The following ITSN1 variants were observed in gnomAD, a reference collection of about 807,000 sequenced individuals.
ITSN1 encodes the protein intersectin 1, also known as intersectin-1.
A neutral mutation model predicts 239.8 loss-of-function variants in ITSN1; 58 were observed. The ratio of observed to expected loss-of-function variants is 0.24; its 90% CI spans 0.20 to 0.30. ITSN1 has a LOEUF of 0.30. Among genes scored for constraint, ITSN1 ranks in the 10% least tolerant of loss-of-function variants. The pLI is 1.00. For missense variants in ITSN1, 1,558 were observed against 2,103.3 expected, an observed-to-expected ratio of 0.74 and a Z score of 5.07; for synonymous variants, 780 against 770.8, an observed-to-expected ratio of 1.01 and a Z score of -0.20.
chr21:33,885,227 G>T, intron 37 of ITSN1, 104 bp downstream of exon 37: 1 of 1,091,386 alleles, frequency 9.2e-7, no homozygotes. Flanking sequence ...GGACCTAGAG[G>T]AGGGGCATGG....
chr21:33,654,913 T>A (rs549689449), intron 1 of ITSN1, among the ~76,000 whole-genome samples: 2 of 152,344 alleles, frequency 1.3e-5, no homozygotes, highest in Admixed American at 6.5e-5. Flanking sequence ...TTCTTAAGGT[T>A]ACCTCCTTCC....
chr21:33,761,037 T>C (rs1419066954), intron 8 of ITSN1, among the ~76,000 whole-genome samples: 1 of 137,996 alleles, frequency 7.2e-6, no homozygotes, highest in Non-Finnish European at 1.5e-5. Context: ...GGAATTCTTC[T>C]TTTTTTTTTT....
chr21:33,776,561 AGAG>A (rs1422889796), intron 14 of ITSN1, among the ~76,000 whole-genome samples: 3 of 140,460 alleles, frequency 2.1e-5, no homozygotes, highest in East Asian at 2.1e-4. Context: ...AAAAAAAAAA[AGAG>A]AGAGAAAAGA....
intron 1 of ITSN1, among the ~76,000 whole-genome samples, chr21:33,695,749 G>T (rs771201135): frequency 2.0e-5 from 3 of 152,168 alleles, no homozygotes; most frequent in Non-Finnish European, 4.4e-5. Flanking sequence ...ATCTCAGTGT[G>T]TTTGTGATTT....
chr21:33,746,112 G>A lies in ITSN1; in HGVS notation c.347-4031G>A, dbSNP rs75306807. Among the ~76,000 whole-genome samples, 1,092 of 152,168 alleles carry A rather than the reference G, an allele frequency of 7.2e-3. 14 individuals are homozygous for A. The highest frequency in any genetic ancestry group is 0.025 in the African/African-American group (1,038 of 41,510). The stretch of plus-strand genomic sequence containing the variant: ...AAAAGCCAGGCTTAAAGATAAAAAC[G>A]AATTTTTTAAAAACCCAACTGAGCA... On this transcript the variant is annotated intron_variant, in intron 5 of 39. Coordinates refer to ENST00000381318, the MANE Select transcript of ITSN1 (RefSeq NM_003024.3).
intron 1 of ITSN1, among the ~76,000 whole-genome samples, chr21:33,658,567 T>G (rs535734547): frequency 6.6e-6 from 1 of 152,214 alleles, no homozygotes; most frequent in African/African-American, 2.4e-5. Flanking sequence ...TGTTACAATC[T>G]TACGGGACCA....
At chr21:33,649,729 ATGTC>A in intron 1 of ITSN1, among the ~76,000 whole-genome samples, 1 of 152,194 alleles carries the variant, frequency 6.6e-6, no homozygotes, top group East Asian at 1.9e-4. Context: ...GAAAATAACA[ATGTC>A]TGGCCGGGCG....
intron 1 of ITSN1, among the ~76,000 whole-genome samples, chr21:33,701,543 A>G (rs1005659040): frequency 6.6e-6 from 1 of 152,024 alleles, no homozygotes; most frequent in Admixed American, 6.6e-5. Flanking sequence ...CTGTAATCCC[A>G]GCACTTTGAG....
chr21:33,802,816 A>T (rs2072109617), intron 20 of ITSN1, among the ~76,000 whole-genome samples: 1 of 152,220 alleles, frequency 6.6e-6, no homozygotes. Context: ...TTTTCTGGCT[A>T]AGAAAGGCCT....
At chr21:33,678,290 C>G (rs2090719600) in intron 1 of ITSN1, among the ~76,000 whole-genome samples, 1 of 152,184 alleles carries the variant, frequency 6.6e-6, no homozygotes, top group Non-Finnish European at 1.5e-5. Context: ...GAAGAAGCCC[C>G]ACACACCCCC....
intron 26 of ITSN1, chr21:33,829,105 C>A: frequency 2.3e-6 from 1 of 434,200 alleles, no homozygotes; most frequent in South Asian, 1.7e-5. Context: ...GCAGCAACAA[C>A]ATAGAAATAA....
chr21:33,776,544 CAAAAA>C (rs34789155), intron 14 of ITSN1, among the ~76,000 whole-genome samples: 2 of 88,794 alleles, frequency 2.3e-5, no homozygotes, highest in Non-Finnish European at 5.2e-5. Flanking sequence ...AGACCCTGTT[CAAAAA>C]AAAAAAAAAA....
chr21:33,749,025 A>G (rs1455312951), intron 5 of ITSN1, among the ~76,000 whole-genome samples: 1 of 146,180 alleles, frequency 6.8e-6, no homozygotes, highest in Non-Finnish European at 1.5e-5. Context: ...ATCTCACTGT[A>G]TTGCCCAGGC....
chr21:33,766,068 T>G, intron 10 of ITSN1, 56 bp downstream of exon 10: 3 of 1,584,544 alleles, frequency 1.9e-6, no homozygotes, highest in Non-Finnish European at 2.6e-6. Flanking sequence ...AATTCCAAAC[T>G]TGGCTTTATT....
intron 4 of ITSN1, among the ~76,000 whole-genome samples, chr21:33,724,294 A>G (rs2065684823): frequency 6.6e-6 from 1 of 152,220 alleles, no homozygotes; most frequent in Non-Finnish European, 1.5e-5. Context: ...TAGAGCTAAA[A>G]AATCAGATAA....
intron 20 of ITSN1, among the ~76,000 whole-genome samples, chr21:33,806,634 T>C (rs1171700719): frequency 6.6e-6 from 1 of 152,264 alleles, no homozygotes; most frequent in Non-Finnish European, 1.5e-5. Flanking sequence ...AGAGCAGCTC[T>C]GTAACATAGT....
In ITSN1 at chr21:33,819,134, T is replaced by G. The variant is rs973340585; in HGVS notation, c.2934-107T>G. On this transcript the variant is annotated intron_variant, in intron 23 of 39. Transcript: ENST00000381318. ...TAAGTACAACTATTTCAGCTGTGGG[T>G]CGTTTAAAGTTTTAAAAGTTAAGCA... 8.1e-6 allele frequency: 6 copies of G among 741,968 alleles called. No homozygotes were observed. In the African/African-American group the frequency reaches 8.8e-5, roughly 11 times the overall value. 46.0% of individuals were successfully genotyped at this position (741,968 alleles called of 1,614,324 possible). A position where few individuals can be genotyped will look rare whatever the true frequency, so the allele number is the denominator to read the frequency against.
chr21:33,669,867 A>G (rs1004810249), intron 1 of ITSN1, among the ~76,000 whole-genome samples: 10 of 151,962 alleles, frequency 6.6e-5, no homozygotes, highest in Non-Finnish European at 1.2e-4. Flanking sequence ...CGTATGCCCA[A>G]TGTAGAACCT....
Position 33,858,787 on chromosome 21 carries a change from A to G in ITSN1, c.3885A>G (p.Leu1295=). The G allele has an allele frequency of 6.2e-7, 1 of 1,600,962 alleles. No homozygotes were observed. The highest frequency in any genetic ancestry group is 8.6e-7 in the Non-Finnish European group (1 of 1,168,492). The change falls in exon 31 of 40, where the codon CTA becomes CTG. Residue 1295 remains leucine (L), a synonymous_variant. Transcript: ENST00000381318. The part of the protein sequence containing the change: ...WKELIMCNIK[L]LKALRVRKKM... ...AGCTGATTATGTGTAATATCAAACT[A>G]CTAAAGTAAGCCTCTCCTCTAATCC...
Sources: allele counts gnomAD v4.1 joint callset (sites outside exome capture counted in the v4.1 genomes callset), GRCh38; gene constraint gnomAD v4.1.1; transcripts MANE v1.5; gene names NCBI Gene and HGNC (gene_info 2026-07-23, HGNC 2026-07-21).